The following ARFGAP1 variants were observed in gnomAD, a reference collection of about 807,000 sequenced individuals.
ARFGAP1 encodes the protein ADP-ribosylation factor GTPase-activating protein 1.
Under a neutral mutation model 54.0 loss-of-function variants are expected in ARFGAP1, and 26 were observed. That is an observed-to-expected ratio of 0.48 (90% CI 0.35 to 0.67). The LOEUF is 0.67. Among genes scored for constraint, ARFGAP1 ranks in the 30% least tolerant of loss-of-function variants. The probability of loss-of-function intolerance (pLI) is 0.00; values close to 1 mark genes in which losing one functional copy is unlikely to be tolerated. For missense variants in ARFGAP1, 525 were observed against 535.8 expected (o/e 0.98, Z 0.20); for synonymous variants, 248 against 211.9 (o/e 1.17, Z -1.48).
chr20:63,282,159 G>C (rs1324558450), intron 8 of ARFGAP1, among the ~76,000 whole-genome samples: 1 of 152,210 alleles, frequency 6.6e-6, no homozygotes. Flanking sequence ...TTCCCTGGGA[G>C]AGGAAGGCCT....
At chr20:63,281,929 A>C (rs896794969) in intron 8 of ARFGAP1, among the ~76,000 whole-genome samples, 5 of 152,128 alleles carry the variant, frequency 3.3e-5, no homozygotes, top group Non-Finnish European at 5.9e-5. Flanking sequence ...GGGTGCCTGC[A>C]GCTGCCCGCA....
intron 8 of ARFGAP1, among the ~76,000 whole-genome samples, chr20:63,282,454 A>G (rs1052282933): frequency 3.3e-5 from 5 of 152,214 alleles, no homozygotes; most frequent in African/African-American, 1.2e-4. Flanking sequence ...GGCACTGTCC[A>G]TTGAAGATAG....
At chr20:63,281,993 C>T (rs1290431239) in intron 8 of ARFGAP1, among the ~76,000 whole-genome samples, 2 of 152,146 alleles carry the variant, frequency 1.3e-5, no homozygotes, top group African/African-American at 2.4e-5. Context: ...TCACGGTGCG[C>T]ACCTGTCAGA....
In ARFGAP1 at chr20:63,288,849, T is replaced by G; in HGVS notation, c.*976T>G. On this transcript the variant is annotated 3_prime_UTR_variant, in exon 13 of 13. Coordinates refer to ENST00000370283, the MANE Select transcript of ARFGAP1 (RefSeq NM_018209.4). The stretch of plus-strand genomic sequence containing the variant: ...CTCCCTTGTCTGCCCTGTGTGACCC[T>G]CAGTCTTGGCCAGCCATGCATGCGC... 3.4e-6 allele frequency: 1 copy of G among 295,372 alleles called. No homozygotes were observed. The highest frequency in any genetic ancestry group is 3.2e-5 in the South Asian group (1 of 31,210). The allele number at this position is 295,372 out of a possible 1,614,324, so 18.3% of individuals were successfully genotyped here. A position where few individuals can be genotyped will look rare whatever the true frequency, so the allele number is the denominator to read the frequency against.
Position 63,288,651 on chromosome 20 carries a change from T to A in ARFGAP1, c.*778T>A. 2.6e-6 allele frequency: 1 copy of A among 387,044 alleles called. No homozygotes were observed. Among genetic ancestry groups the A allele is most frequent in the Non-Finnish European group, 5.2e-6 (1 of 190,708 alleles). The allele number at this position is 387,044 out of a possible 1,614,324, so 24.0% of individuals were successfully genotyped here. A position where few individuals can be genotyped will look rare whatever the true frequency, so the allele number is the denominator to read the frequency against. On this transcript the variant is annotated 3_prime_UTR_variant, in exon 13 of 13. Transcript: ENST00000370283. ...ATGCAGGAGGGTGCGATAGCGGACGTGGCCAGGCAGGAGGGGCCGGGTTCA... is the reference window on the plus strand; with the variant it reads ...ATGCAGGAGGGTGCGATAGCGGACGAGGCCAGGCAGGAGGGGCCGGGTTCA...
At position 63,286,779 on chromosome 20, in the gene ARFGAP1, C is replaced by T. The variant is rs1258575458; in HGVS notation, c.911+337C>T. 15 of 274,254 alleles carry T rather than the reference C, an allele frequency of 5.5e-5. No homozygotes were observed. The South Asian group carries it at 7.7e-4, about 14-fold the overall frequency. The allele number at this position is 274,254 out of a possible 1,614,324, so 17.0% of individuals were successfully genotyped here. A position where few individuals can be genotyped will look rare whatever the true frequency, so the allele number is the denominator to read the frequency against. On this transcript the variant is annotated intron_variant, in intron 12 of 12. Transcript: ENST00000370283. ...GCTAGGGTGGGAGGGAGGGTCTCAC[C>T]CATATGCCCCCACGTAGGAGGAGCT...
In ARFGAP1 at chr20:63,276,804, G is replaced by A. The variant is rs996381206; in HGVS notation, c.342+153G>A. On this transcript the variant is annotated intron_variant, in intron 4 of 12. Coordinates refer to ENST00000370283, the MANE Select transcript of ARFGAP1 (RefSeq NM_018209.4). The surrounding 1 kb of genome is among the most constrained non-coding windows in gnomAD (Gnocchi z 5.2). ...ACACACAACTTGCCGCCCTGGAGCA[G>A]AGGCTTCCTGCCCAGAGGGGAGGCA... 2.1e-4 allele frequency: 182 copies of A among 877,480 alleles called. No individual in the cohort carries two copies. Among genetic ancestry groups the A allele is most frequent in the Non-Finnish European group, 3.0e-4 (177 of 594,700 alleles). 54.4% of individuals were successfully genotyped at this position (877,480 alleles called of 1,614,324 possible). A position where few individuals can be genotyped will look rare whatever the true frequency, so the allele number is the denominator to read the frequency against.
In ARFGAP1 at chr20:63,284,865, G is replaced by T. The variant is rs777011259; in HGVS notation, c.718-1G>T. 2 of 1,612,802 alleles carry T rather than the reference G, an allele frequency of 1.2e-6. No individual in the cohort carries two copies. The highest frequency in any genetic ancestry group is 2.2e-5 in the South Asian group (2 of 91,082). ...GGCTCACGTGACTTCCCTTCCTACAGGCGTCCGAGCTGGGCCACAGCCTGA... is the reference window on the plus strand; with the variant it reads ...GGCTCACGTGACTTCCCTTCCTACATGCGTCCGAGCTGGGCCACAGCCTGA... On this transcript the variant is annotated splice_acceptor_variant, in intron 9 of 12. Coordinates refer to ENST00000370283, the MANE Select transcript of ARFGAP1 (RefSeq NM_018209.4). LOFTEE classifies it high-confidence loss of function.
In ARFGAP1 at chr20:63,283,851, T is replaced by C. The variant is rs1443328579; in HGVS notation, c.717+1000T>C. On this transcript the variant is annotated intron_variant, in intron 9 of 12. Transcript: ENST00000370283. ...CCTGTCTTCTTGCTGTCGGGTAAAGTTTTGGGGTCACAAGCAGCAGCCGGA... is the reference window on the plus strand; with the variant it reads ...CCTGTCTTCTTGCTGTCGGGTAAAGCTTTGGGGTCACAAGCAGCAGCCGGA... 4 of 1,613,588 alleles carry C rather than the reference T, an allele frequency of 2.5e-6. No individual in the cohort carries two copies. The East Asian group carries it at 8.9e-5, about 36-fold the overall frequency.
chr20:63,287,442 G>A (rs2067587715), intron 12 of ARFGAP1, 122 bp from the exon 13 acceptor site: 1 of 891,300 alleles, frequency 1.1e-6, no homozygotes, highest in Admixed American at 2.9e-5. Context: ...GGCTGCTGTG[G>A]ACCCTGAGCG....
rs750334262 is a variant in ARFGAP1 at position 63,276,180 on chromosome 20, C to T, written c.150C>T (p.Arg50=). 21 of 1,613,696 alleles carry T rather than the reference C, an allele frequency of 1.3e-5. No individual in the cohort carries two copies. Among genetic ancestry groups the T allele is most frequent in the African/African-American group, 5.3e-5 (4 of 74,938 alleles). Residue 50 remains arginine (R), a synonymous_variant, in exon 3 of 13, where the codon CGC becomes CGT. Coordinates refer to ENST00000370283, the MANE Select transcript of ARFGAP1 (RefSeq NM_018209.4). The surrounding 1 kb of genome is among the most constrained non-coding windows in gnomAD (Gnocchi z 5.2). Reference sequence around the variant, plus strand: ...GCCTGGAGTGCTCGGGGAGACACCGCGGGCTTGGGGTTCACCTCAGGTCAG... The same window carrying T: ...GCCTGGAGTGCTCGGGGAGACACCGTGGGCTTGGGGTTCACCTCAGGTCAG... ...WICLECSGRH[R]GLGVHLSFVR... is the part of the protein sequence containing the mutation.
In ARFGAP1 at chr20:63,276,337, C is replaced by T; in HGVS notation, c.170+137C>T. On this transcript the variant is annotated intron_variant, in intron 3 of 12. Transcript: ENST00000370283. This position sits in a 1 kb window ranked among gnomAD's most constrained non-coding sequence, Gnocchi z 5.2. The stretch of plus-strand genomic sequence containing the variant: ...TTGCCAGTGTCCACTCTAGTGACGC[C>T]ATGGCACAGAGTTCCAGCTGCTGGC... 6.6e-6 allele frequency: 9 copies of T among 1,367,896 alleles called. No individual in the cohort carries two copies. Among genetic ancestry groups the T allele is most frequent in the Non-Finnish European group, 1.0e-6 (1 of 984,080 alleles). The allele number at this position is 1,367,896 out of a possible 1,614,324, so 84.7% of individuals were successfully genotyped here.
intron 7 of ARFGAP1, among the ~76,000 whole-genome samples, chr20:63,280,004 G>A (rs2067337824): frequency 6.6e-6 from 1 of 152,160 alleles, no homozygotes; most frequent in Non-Finnish European, 1.5e-5. Context: ...AGCCAGGCGG[G>A]GTGGCATGTG....
rs1275498699 is a variant in ARFGAP1, at chr20:63,276,645, G to A, written c.336G>A (p.Arg112=). 1 of 1,608,012 alleles carries A rather than the reference G, an allele frequency of 6.2e-7. No individual in the cohort carries two copies. The highest frequency in any genetic ancestry group is 1.7e-5 in the Admixed American group (1 of 59,628). The change falls in exon 4 of 13, where the codon AGG becomes AGA. Residue 112 remains arginine, a synonymous_variant. Transcript: ENST00000370283. The surrounding 1 kb of genome is among the most constrained non-coding windows in gnomAD (Gnocchi z 5.2). ...KYNSRAAALF[R]DKVVALAEGR... Reference sequence around the variant, plus strand: ...ACAGCAGAGCCGCGGCCCTCTTTAGGGATAAGGTAGAGATGGGCCCGATTC... The same window carrying A: ...ACAGCAGAGCCGCGGCCCTCTTTAGAGATAAGGTAGAGATGGGCCCGATTC...
chr20:63,275,417 G>A (rs967133018), intron 1 of ARFGAP1, among the ~76,000 whole-genome samples, 160 bp from the exon 2 acceptor site: 4 of 152,142 alleles, frequency 2.6e-5, no homozygotes, highest in Admixed American at 6.5e-5. Flanking sequence ...TGGTCCCTGC[G>A]GACCCCTGCT....
intron 11 of ARFGAP1, chr20:63,286,103 C>A: frequency 2.6e-6 from 4 of 1,550,140 alleles, no homozygotes; most frequent in Non-Finnish European, 3.5e-6. Flanking sequence ...GCAGGCCTCG[C>A]TCCTCCCCCC....
At chr20:63,274,998 A>G (rs2067197057) in intron 1 of ARFGAP1, among the ~76,000 whole-genome samples, 1 of 152,104 alleles carries the variant, frequency 6.6e-6, no homozygotes, top group African/African-American at 2.4e-5. Flanking sequence ...CATGCCTCAG[A>G]ATGGCCCCAG....
At chr20:63,283,847 A>G (rs555210033) in intron 9 of ARFGAP1, 1 of 1,613,316 alleles carries the variant, frequency 6.2e-7, no homozygotes, top group Admixed American at 1.7e-5. Flanking sequence ...GCTGTCGGGT[A>G]AAGTTTTGGG....
In ARFGAP1 at chr20:63,288,083, G is replaced by C. The variant is rs1470982582; in HGVS notation, c.*210G>C. ...GTGGGGGCGGCTTGCTGTCCAGCCT[G>C]TGTGGGGGCCGTCCCGTCCCACACT... On this transcript the variant is annotated 3_prime_UTR_variant, in exon 13 of 13. Transcript: ENST00000370283. The C allele has an allele frequency of 3.9e-5, 25 of 634,234 alleles. No homozygotes were observed. Among genetic ancestry groups the C allele is most frequent in the Non-Finnish European group, 2.5e-5 (9 of 367,332 alleles). 39.3% of individuals were successfully genotyped at this position (634,234 alleles called of 1,614,324 possible).
Sources: gnomAD v4.1 joint callset for allele counts (sites outside exome capture counted in the v4.1 genomes callset) on GRCh38, gnomAD v4.1.1 for gene constraint, Gnocchi (gnomAD v3.1) non-coding constraint, MANE v1.5 for transcripts, NCBI Gene and HGNC (gene_info 2026-07-23, HGNC 2026-07-21) for gene names.